COA1: variants seen among roughly 807,000 people sequenced by gnomAD.
COA1 encodes the protein cytochrome c oxidase assembly factor 1 homolog.
A neutral mutation model predicts 16.0 loss-of-function variants in COA1; 13 were observed. The ratio of observed to expected loss-of-function variants is 0.81; its 90% CI spans 0.53 to 1.29. The LOEUF (loss-of-function observed/expected upper bound fraction) is 1.29, where lower values mean the gene tolerates loss of function less well. Among genes scored for constraint, COA1 ranks in the 50% most tolerant of loss-of-function variants. COA1 has a pLI of 0.00. For missense variants in COA1, 179 were observed against 177.0 expected, an observed-to-expected ratio of 1.01 and a Z score of -0.06; for synonymous variants, 65 against 65.7, an observed-to-expected ratio of 0.99 and a Z score of 0.05.
intron 1 of COA1, among the ~76,000 whole-genome samples, chr7:43,720,748 G>C (rs1193736045): frequency 2.0e-5 from 3 of 152,194 alleles, no homozygotes. Context: ...GGCAGCCCCA[G>C]TCCCTAGGGA....
intron 3 of COA1, chr7:43,646,617 C>T (rs1239765877): frequency 2.2e-6 from 1 of 456,734 alleles, no homozygotes; most frequent in Non-Finnish European, 4.4e-6. Context: ...GAAAGCTGAA[C>T]CCTGACCCAA....
chr7:43,713,944 C>A (rs1245206826), intron 1 of COA1, among the ~76,000 whole-genome samples: 2 of 152,138 alleles, frequency 1.3e-5, no homozygotes, highest in East Asian at 3.9e-4. Context: ...GAGGCTGAGG[C>A]AGAATTCCTT....
intron 1 of COA1, among the ~76,000 whole-genome samples, chr7:43,689,284 A>T (rs1004181654): frequency 2.0e-5 from 3 of 152,348 alleles, no homozygotes; most frequent in Admixed American, 2.0e-4. Flanking sequence ...TATAGGCTGT[A>T]TTAGCAAAGG....
intron 4 of COA1, among the ~76,000 whole-genome samples, chr7:43,643,856 T>C (rs1009374510): frequency 1.3e-5 from 2 of 152,230 alleles, no homozygotes; most frequent in Non-Finnish European, 2.9e-5. Flanking sequence ...TGAATTGCTT[T>C]TGTAGTTAGA....
At chr7:43,671,148 G>C (rs2093234542) in intron 1 of COA1, among the ~76,000 whole-genome samples, 1 of 152,088 alleles carries the variant, frequency 6.6e-6, no homozygotes, top group Non-Finnish European at 1.5e-5. Flanking sequence ...ATGAATCACA[G>C]ACCTACATGT....
At chr7:43,686,537 G>A (rs982042616) in intron 1 of COA1, among the ~76,000 whole-genome samples, 13 of 151,770 alleles carry the variant, frequency 8.6e-5, no homozygotes, top group Non-Finnish European at 1.5e-4. Context: ...CTCGTGATCC[G>A]CCCGCCTCGG....
chr7:43,664,015 C>T (rs1020885915), intron 1 of COA1, among the ~76,000 whole-genome samples: 1 of 151,844 alleles, frequency 6.6e-6, no homozygotes, highest in African/African-American at 2.4e-5. Flanking sequence ...AAGATCGTGC[C>T]ACTTTACTCC....
chr7:43,671,015 TAAAA>T (rs911846606), intron 1 of COA1, among the ~76,000 whole-genome samples: 62 of 152,122 alleles, frequency 4.1e-4, no homozygotes, highest in African/African-American at 1.4e-3. Flanking sequence ...ACCAAGACAA[TAAAA>T]TAGAGAAAGA....
intron 1 of COA1, among the ~76,000 whole-genome samples, chr7:43,674,493 T>C (rs1359934726): frequency 1.3e-5 from 2 of 152,244 alleles, no homozygotes; most frequent in African/African-American, 2.4e-5. Context: ...AAAATGGCTT[T>C]ATAAAACTCT....
chr7:43,652,979 GAAAC>G (rs779695192), intron 1 of COA1, among the ~76,000 whole-genome samples: 11 of 152,074 alleles, frequency 7.2e-5, no homozygotes, highest in Non-Finnish European at 1.3e-4. Context: ...AAAAGAATAA[GAAAC>G]AAAATCCAAA....
chr7:43,640,525 A>C, intron 5 of COA1, 48 bp downstream of exon 5: 1 of 1,316,110 alleles, frequency 7.6e-7, no homozygotes, highest in South Asian at 1.2e-5. Context: ...TGCTTTCATC[A>C]GGAAGTCTTC....
intron 6 of COA1, among the ~76,000 whole-genome samples, chr7:43,617,141 C>T (rs536064085): frequency 1.3e-5 from 2 of 150,636 alleles, no homozygotes; most frequent in Non-Finnish European, 2.9e-5. Flanking sequence ...CTTCATGGAG[C>T]CGGGGGATCA....
At chr7:43,664,356 G>T (rs1052199851) in intron 1 of COA1, among the ~76,000 whole-genome samples, 1 of 151,980 alleles carries the variant, frequency 6.6e-6, no homozygotes, top group Non-Finnish European at 1.5e-5. Flanking sequence ...TCCTTTTTTA[G>T]GCTAAATAAT....
chr7:43,609,797 C>A (rs369526447), intron 6 of COA1, among the ~76,000 whole-genome samples: 81 of 152,274 alleles, frequency 5.3e-4, no homozygotes, highest in African/African-American at 1.9e-3. Context: ...GGACCACCCC[C>A]AAAAAACTTT....
At chr7:43,724,665 T>C (rs2095577405) in intron 1 of COA1, among the ~76,000 whole-genome samples, 1 of 152,146 alleles carries the variant, frequency 6.6e-6, no homozygotes, top group African/African-American at 2.4e-5. Flanking sequence ...ATCTATCGAC[T>C]AATGAATGGA....
chr7:43,639,539 GGGAAGGAT>G lies in COA1; in HGVS notation c.*35_*42del. On this transcript the variant is annotated 3_prime_UTR_variant, in exon 6 of 6. Transcript: ENST00000223336. ...CCCAGTGGCCATATGGTAGAGATGA[GGGAAGGAT>G]GGACTAGAAGCAAGCTGGGTCTTCT... The G allele has an allele frequency of 6.6e-7, 1 of 1,516,076 alleles. No homozygotes were observed. The highest frequency in any genetic ancestry group is 9.2e-7 in the Non-Finnish European group (1 of 1,091,480). The allele number at this position is 1,516,076 out of a possible 1,614,324, so 93.9% of individuals were successfully genotyped here.
intron 1 of COA1, among the ~76,000 whole-genome samples, chr7:43,658,062 T>G (rs2091978803): frequency 6.7e-6 from 1 of 148,602 alleles, no homozygotes; most frequent in Non-Finnish European, 1.5e-5. Context: ...TAAGTCTATT[T>G]TATTTATTTT....
chr7:43,708,944 G>A (rs1257923421), intron 1 of COA1, among the ~76,000 whole-genome samples: 1 of 151,372 alleles, frequency 6.6e-6, no homozygotes, highest in Non-Finnish European at 1.5e-5. Context: ...ATTTTTTATG[G>A]TTAATGCTTT....
intron 1 of COA1, among the ~76,000 whole-genome samples, chr7:43,687,733 T>G (rs1304364467): frequency 6.6e-6 from 1 of 152,160 alleles, no homozygotes; most frequent in Non-Finnish European, 1.5e-5. Flanking sequence ...TCATGCATTC[T>G]TCCATGTTTT....
Sources: allele counts gnomAD v4.1 joint callset (sites outside exome capture counted in the v4.1 genomes callset), GRCh38; gene constraint gnomAD v4.1.1; transcripts MANE v1.5; gene names NCBI Gene and HGNC (gene_info 2026-07-23, HGNC 2026-07-21).